The following LRRIQ3 variants were observed in gnomAD, a reference collection of about 807,000 sequenced individuals.
The protein encoded by LRRIQ3 is leucine rich repeats and IQ motif containing 3, also known as leucine-rich repeat and IQ domain-containing protein 3.
Under a neutral mutation model 59.3 loss-of-function variants are expected in LRRIQ3, and 75 were observed. That is an observed-to-expected ratio of 1.26 (90% CI 1.05 to 1.53). The LOEUF (loss-of-function observed/expected upper bound fraction) is 1.53, where lower values mean the gene tolerates loss of function less well. Among genes scored for constraint, LRRIQ3 ranks in the 40% most tolerant of loss-of-function variants. LRRIQ3 has a pLI of 0.00. For synonymous variants in LRRIQ3, 250 were observed against 231.3 expected, an observed-to-expected ratio of 1.08 and a Z score of -0.73; for missense variants, 831 against 710.0, an observed-to-expected ratio of 1.17 and a Z score of -1.94.
chr1:74,180,552 C>A (rs1649914889), intron 3 of LRRIQ3: 3 of 576,280 alleles, frequency 5.2e-6, no homozygotes, highest in Admixed American at 3.8e-5. Flanking sequence ...TAAATAAGTT[C>A]TTTTCTGTCC....
chr1:74,045,591 G>T (rs1276482982), intron 6 of LRRIQ3, among the ~76,000 whole-genome samples: 1 of 152,094 alleles, frequency 6.6e-6, no homozygotes, highest in Non-Finnish European at 1.5e-5. Flanking sequence ...ATTCAACATA[G>T]TATTGGAAGT....
intron 3 of LRRIQ3, among the ~76,000 whole-genome samples, chr1:74,159,922 A>G (rs1250752523): frequency 6.6e-6 from 1 of 152,014 alleles, no homozygotes; most frequent in East Asian, 1.9e-4. Flanking sequence ...ACCTTTTTCC[A>G]TTCAATAAAT....
chr1:74,152,293 A>G (rs1648045929), intron 4 of LRRIQ3, among the ~76,000 whole-genome samples: 1 of 152,054 alleles, frequency 6.6e-6, no homozygotes, highest in Non-Finnish European at 1.5e-5. Flanking sequence ...GACTAAAATA[A>G]GGAATATTTT....
At chr1:74,043,760 C>T (rs1435175187) in intron 6 of LRRIQ3, among the ~76,000 whole-genome samples, 2 of 152,068 alleles carry the variant, frequency 1.3e-5, no homozygotes, top group Non-Finnish European at 1.5e-5. Flanking sequence ...ACCTTATACA[C>T]AAACAAAGGA....
chr1:74,040,222 A>C (rs1654001166), intron 7 of LRRIQ3, among the ~76,000 whole-genome samples: 2 of 152,222 alleles, frequency 1.3e-5, no homozygotes, highest in African/African-American at 2.4e-5. Flanking sequence ...AAAGAGATCA[A>C]TGCAACAAGA....
chr1:74,131,982 T>C (rs1376096072), intron 4 of LRRIQ3, among the ~76,000 whole-genome samples: 1 of 151,954 alleles, frequency 6.6e-6, no homozygotes, highest in South Asian at 2.1e-4. Context: ...AAAACCCCAT[T>C]GTCTCAGCAC....
chr1:74,136,087 G>T (rs547101046), intron 4 of LRRIQ3, among the ~76,000 whole-genome samples: 7 of 151,698 alleles, frequency 4.6e-5, no homozygotes, highest in South Asian at 2.1e-4. Context: ...AATATCAAAA[G>T]AAAATATGAG....
chr1:74,146,839 T>C (rs1277902114), intron 4 of LRRIQ3, among the ~76,000 whole-genome samples: 6 of 152,238 alleles, frequency 3.9e-5, no homozygotes, highest in African/African-American at 9.6e-5. Flanking sequence ...CTGTCAACTT[T>C]GAATAACACC....
chr1:74,100,230 T>C (rs565792785), intron 5 of LRRIQ3, among the ~76,000 whole-genome samples: 4 of 152,250 alleles, frequency 2.6e-5, no homozygotes, highest in African/African-American at 9.6e-5. Flanking sequence ...AAAATCAATG[T>C]GCAAAAATCA....
chr1:74,097,040 C>T (rs1255604650), intron 5 of LRRIQ3, among the ~76,000 whole-genome samples: 6 of 152,132 alleles, frequency 3.9e-5, no homozygotes, highest in Admixed American at 6.6e-5. Context: ...AGATCTCAAA[C>T]TCCATGCTGG....
chr1:74,093,409 T>A, intron 5 of LRRIQ3, among the ~76,000 whole-genome samples: 1 of 152,138 alleles, frequency 6.6e-6, no homozygotes, highest in East Asian at 1.9e-4. Flanking sequence ...CAGAAACAAC[T>A]GTGTTTCCCT....
At chr1:74,141,472 A>ACC (rs1647253191) in intron 4 of LRRIQ3, among the ~76,000 whole-genome samples, 1 of 151,866 alleles carries the variant, frequency 6.6e-6, no homozygotes, top group Admixed American at 6.6e-5. Context: ...TGCCACAAAA[A>ACC]CAGTAGCTAG....
At chr1:74,131,507 C>A (rs999817360) in intron 4 of LRRIQ3, among the ~76,000 whole-genome samples, 2 of 152,162 alleles carry the variant, frequency 1.3e-5, no homozygotes, top group Admixed American at 6.6e-5. Flanking sequence ...TCCAGCAGCA[C>A]ATCAAAAAGC....
intron 4 of LRRIQ3, among the ~76,000 whole-genome samples, chr1:74,146,035 C>T (rs1435565724): frequency 2.0e-5 from 3 of 152,068 alleles, no homozygotes; most frequent in Non-Finnish European, 2.9e-5. Flanking sequence ...CATTATCTTA[C>T]AATTGCCTAT....
intron 4 of LRRIQ3, among the ~76,000 whole-genome samples, chr1:74,122,899 A>C (rs185390744): frequency 6.6e-6 from 1 of 152,270 alleles, no homozygotes; most frequent in East Asian, 1.9e-4. Flanking sequence ...TGCAACCTAC[A>C]GAATGGGAGA....
intron 7 of LRRIQ3, among the ~76,000 whole-genome samples, chr1:74,027,886 T>C (rs1230075414): frequency 1.3e-5 from 2 of 152,000 alleles, no homozygotes; most frequent in Non-Finnish European, 2.9e-5. Context: ...CGTGAAAACA[T>C]TATGTAACAA....
chr1:74,096,914 G>A (rs1031160120), intron 5 of LRRIQ3, among the ~76,000 whole-genome samples: 13 of 152,088 alleles, frequency 8.5e-5, no homozygotes, highest in African/African-American at 2.2e-4. Flanking sequence ...TGGAAGCTTC[G>A]TCTCAGAGGG....
chr1:74,113,650 A>G (rs1646735081), intron 4 of LRRIQ3, among the ~76,000 whole-genome samples: 1 of 152,132 alleles, frequency 6.6e-6, no homozygotes, highest in South Asian at 2.1e-4. Context: ...AAAAGAAGAA[A>G]GAAATTCAAT....
intron 5 of LRRIQ3, among the ~76,000 whole-genome samples, chr1:74,104,893 G>A (rs1031271928): frequency 6.6e-6 from 1 of 151,930 alleles, no homozygotes; most frequent in Admixed American, 6.6e-5. Context: ...GATGCCAATT[G>A]TGGGGTATAG....
Sources: allele counts gnomAD v4.1 joint callset (sites outside exome capture counted in the v4.1 genomes callset), GRCh38; gene constraint gnomAD v4.1.1; transcripts MANE v1.5; gene names NCBI Gene and HGNC (gene_info 2026-07-23, HGNC 2026-07-21).